Variants in CUL5 observed in about 807,000 individuals in gnomAD.
CUL5 encodes cullin 5, also known as cullin-5.
Under a neutral mutation model 108.8 loss-of-function variants are expected in CUL5, and 26 were observed. That is an observed-to-expected ratio of 0.24 (90% CI 0.18 to 0.33). The LOEUF (loss-of-function observed/expected upper bound fraction) is 0.33, where lower values mean the gene tolerates loss of function less well. CUL5 is among the 10% of genes least tolerant of loss of function. The pLI is 1.00. For missense variants in CUL5, 524 were observed against 909.2 expected, an observed-to-expected ratio of 0.58 and a Z score of 5.45; for synonymous variants, 334 against 298.0, an observed-to-expected ratio of 1.12 and a Z score of -1.25.
At chr11:108,087,425 A>T (rs902571379) in intron 11 of CUL5, among the ~76,000 whole-genome samples, 1 of 152,202 alleles carries the variant, frequency 6.6e-6, no homozygotes, top group Non-Finnish European at 1.5e-5. Context: ...CAAAATCTTC[A>T]ATTTAAATTT....
chr11:108,066,405 A>T (rs1863680428), intron 7 of CUL5, among the ~76,000 whole-genome samples: 1 of 151,778 alleles, frequency 6.6e-6, no homozygotes, highest in Non-Finnish European at 1.5e-5. Flanking sequence ...TCATAATTTG[A>T]CCCTAACCTA....
intron 7 of CUL5, among the ~76,000 whole-genome samples, chr11:108,062,866 A>G (rs931862030): frequency 9.9e-5 from 15 of 152,036 alleles, no homozygotes; most frequent in Admixed American, 6.5e-4. Flanking sequence ...TTTGAGACGG[A>G]GTTTTGCTCT....
Position 108,070,085 on chromosome 11 carries a change from A to C in CUL5, c.781-11A>C. On this transcript the variant is annotated splice_polypyrimidine_tract_variant and intron_variant, in intron 7 of 18. Transcript: ENST00000393094. ...TTATAGTAGCCTTGACTAATTTTTGATATATTTCAGCTCATGGAATGCTGT... is the reference window on the plus strand; with the variant it reads ...TTATAGTAGCCTTGACTAATTTTTGCTATATTTCAGCTCATGGAATGCTGT... 6.3e-7 allele frequency: 1 copy of C among 1,589,326 alleles called. No individual in the cohort carries two copies. The highest frequency in any genetic ancestry group is 8.6e-7 in the Non-Finnish European group (1 of 1,160,278).
chr11:108,057,033 T>C (rs1005148734), intron 7 of CUL5, among the ~76,000 whole-genome samples: 9 of 152,190 alleles, frequency 5.9e-5, no homozygotes, highest in Non-Finnish European at 1.5e-5. Context: ...TGGATGGGAA[T>C]GTTACAGTTT....
chr11:108,032,562 A>G (rs961132727), intron 1 of CUL5, among the ~76,000 whole-genome samples: 4 of 151,934 alleles, frequency 2.6e-5, no homozygotes, highest in Admixed American at 6.6e-5. Context: ...AAGGAGTACT[A>G]ATGACTAACA....
intron 3 of CUL5, among the ~76,000 whole-genome samples, chr11:108,046,785 G>A (rs1863079132): frequency 6.6e-6 from 1 of 151,890 alleles, no homozygotes; most frequent in African/African-American, 2.4e-5. Context: ...TTGTATTGCT[G>A]TTGCTGAGCT....
intron 5 of CUL5, among the ~76,000 whole-genome samples, chr11:108,053,547 CAG>C (rs1863292152): frequency 6.6e-6 from 1 of 152,108 alleles, no homozygotes. Context: ...ACTTCACATG[CAG>C]AGTTTTGAAA....
intron 15 of CUL5, 76 bp downstream of exon 15, chr11:108,095,063 C>T: frequency 3.1e-6 from 4 of 1,278,266 alleles, no homozygotes; most frequent in Non-Finnish European, 4.3e-6. Flanking sequence ...ATTGCTTAAA[C>T]AAAATAGATT....
Position 108,060,916 on chromosome 11 carries a change from C to G in CUL5, c.780+5961C>G, listed in dbSNP as rs191851747. Among the ~76,000 whole-genome samples, 16 of 152,010 alleles carry G rather than the reference C, an allele frequency of 1.1e-4. No individual in the cohort carries two copies. In the East Asian group the frequency reaches 2.1e-3, roughly 20 times the overall value. ...CAGACCTATGAATTCATTCATTCAA[C>G]AGGTACTTATTGGAGTGCCTGCTGT... On this transcript the variant is annotated intron_variant, in intron 7 of 18. Coordinates refer to ENST00000393094, the MANE Select transcript of CUL5 (RefSeq NM_003478.6).
chr11:108,062,737 A>G (rs1012069252), intron 7 of CUL5, among the ~76,000 whole-genome samples: 8 of 152,020 alleles, frequency 5.3e-5, no homozygotes, highest in Admixed American at 2.6e-4. Context: ...AGACAATCCA[A>G]TTATATTCTT....
chr11:108,033,690 G>A (rs1302666192), intron 1 of CUL5, 112 bp from the exon 2 acceptor site: 2 of 642,548 alleles, frequency 3.1e-6, no homozygotes, highest in South Asian at 2.0e-5. Flanking sequence ...TGGAAAACTG[G>A]TTCATTTAAA....
At chr11:108,009,790 A>AC (rs958730435) in intron 1 of CUL5, among the ~76,000 whole-genome samples, 26 of 151,558 alleles carry the variant, frequency 1.7e-4, no homozygotes, top group African/African-American at 6.1e-4. Flanking sequence ...CAGTGACTCG[A>AC]CCCCCCACTT....
intron 2 of CUL5, among the ~76,000 whole-genome samples, chr11:108,039,145 C>T (rs1263353761): frequency 2.0e-5 from 3 of 152,068 alleles, no homozygotes; most frequent in Non-Finnish European, 4.4e-5. Context: ...TTCAGCCTCC[C>T]AAGTAGCTGG....
intron 4 of CUL5, among the ~76,000 whole-genome samples, chr11:108,051,588 T>C (rs1366542679): frequency 6.6e-6 from 1 of 152,248 alleles, no homozygotes; most frequent in Non-Finnish European, 1.5e-5. Flanking sequence ...ATGTATCTCC[T>C]ACATCTGACC....
At chr11:108,025,240 T>C (rs953853316) in intron 1 of CUL5, among the ~76,000 whole-genome samples, 3 of 152,214 alleles carry the variant, frequency 2.0e-5, no homozygotes, top group Non-Finnish European at 4.4e-5. Context: ...CCTTGTTTAC[T>C]GAATGTAACA....
At chr11:108,100,711 A>G (rs983195837) in intron 18 of CUL5, among the ~76,000 whole-genome samples, 3 of 152,086 alleles carry the variant, frequency 2.0e-5, no homozygotes, top group African/African-American at 7.2e-5. Context: ...ATTCGTAGCT[A>G]TGCCAGGATA....
chr11:108,029,505 G>A (rs928852001), intron 1 of CUL5, among the ~76,000 whole-genome samples: 1 of 152,164 alleles, frequency 6.6e-6, no homozygotes, highest in African/African-American at 2.4e-5. Context: ...CAGTGAAAAC[G>A]TACATAAATC....
chr11:108,069,984 A>T (rs544021710), intron 7 of CUL5, 112 bp from the exon 8 acceptor site: 2 of 602,640 alleles, frequency 3.3e-6, no homozygotes, highest in East Asian at 5.4e-5. Context: ...AGTGAAATCT[A>T]CTTTCAGTAT....
chr11:108,009,510 C>A, intron 1 of CUL5, 138 bp downstream of exon 1: 3 of 846,986 alleles, frequency 3.5e-6, no homozygotes, highest in East Asian at 2.9e-5. Flanking sequence ...GCGGTGGCAG[C>A]CGGCGAGTAC....
Sources: gnomAD v4.1 joint callset for allele counts (sites outside exome capture counted in the v4.1 genomes callset) on GRCh38, gnomAD v4.1.1 for gene constraint, MANE v1.5 for transcripts, NCBI Gene and HGNC (gene_info 2026-07-23, HGNC 2026-07-21) for gene names.